Variants in TRPM3 observed in about 807,000 individuals in gnomAD.
TRPM3 encodes transient receptor potential cation channel subfamily M member 3.
In TRPM3, 77 loss-of-function variants were observed where a neutral mutation model predicts 181.2. The observed-to-expected ratio is 0.42, with a 90% CI of 0.35 to 0.51. The LOEUF is 0.51. Among genes scored for constraint, TRPM3 ranks in the 20% least tolerant of loss-of-function variants. The pLI, the probability that TRPM3 is intolerant of heterozygous loss-of-function variation, is 0.01. For missense variants in TRPM3, 1,759 were observed against 2,196.7 expected (o/e 0.80, Z 3.98); for synonymous variants, 745 against 796.4 (o/e 0.94, Z 1.09).
chr9:71,300,742 T>C (rs2086693356), intron 1 of TRPM3, among the ~76,000 whole-genome samples: 1 of 152,154 alleles, frequency 6.6e-6, no homozygotes, highest in African/African-American at 2.4e-5. Flanking sequence ...TTCTTACAAC[T>C]GTGTAAGCAA....
At chr9:71,387,232 C>A (rs902206739) in intron 1 of TRPM3, among the ~76,000 whole-genome samples, 1 of 152,140 alleles carries the variant, frequency 6.6e-6, no homozygotes, top group African/African-American at 2.4e-5. Context: ...TCAACAGCCT[C>A]AGGAACCACT....
chr9:70,863,747 T>C (rs1448637632), intron 2 of TRPM3, among the ~76,000 whole-genome samples: 2 of 152,178 alleles, frequency 1.3e-5, no homozygotes, highest in Non-Finnish European at 2.9e-5. Context: ...TTAGTCATAA[T>C]AGTTACAATA....
intron 9 of TRPM3, among the ~76,000 whole-genome samples, chr9:70,666,865 T>C (rs1455244368): frequency 6.6e-6 from 1 of 152,214 alleles, no homozygotes; most frequent in African/African-American, 2.4e-5. Context: ...GTCTCTACTT[T>C]CTGGAAGAGT....
chr9:71,387,392 T>C (rs1407585921), intron 1 of TRPM3, among the ~76,000 whole-genome samples: 1 of 152,182 alleles, frequency 6.6e-6, no homozygotes, highest in Non-Finnish European at 1.5e-5. Flanking sequence ...ACCTAGTGTT[T>C]ATAGAGCCAC....
chr9:70,553,863 C>A (rs926574704), intron 22 of TRPM3, among the ~76,000 whole-genome samples: 3 of 152,154 alleles, frequency 2.0e-5, no homozygotes, highest in African/African-American at 4.8e-5. Flanking sequence ...CAACACAGGG[C>A]AGTGCCTTGG....
chr9:71,418,319 T>C (rs1003775437), intron 1 of TRPM3, among the ~76,000 whole-genome samples: 1 of 151,904 alleles, frequency 6.6e-6, no homozygotes, highest in Admixed American at 6.6e-5. Flanking sequence ...TTCAAGAACC[T>C]GGAAAAGACA....
intron 1 of TRPM3, among the ~76,000 whole-genome samples, chr9:71,297,800 A>G (rs1292378762): frequency 2.0e-5 from 3 of 152,190 alleles, no homozygotes; most frequent in Non-Finnish European, 4.4e-5. Flanking sequence ...CGGCAGAAGC[A>G]GAGTTTGAAT....
At chr9:71,306,223 A>G (rs946781866) in intron 1 of TRPM3, among the ~76,000 whole-genome samples, 2 of 152,204 alleles carry the variant, frequency 1.3e-5, no homozygotes, top group Non-Finnish European at 2.9e-5. Flanking sequence ...GGCTATTGAG[A>G]TAAAATCAAA....
chr9:71,424,557 G>T (rs2131570799), intron 1 of TRPM3, among the ~76,000 whole-genome samples: 1 of 152,174 alleles, frequency 6.6e-6, no homozygotes, highest in East Asian at 1.9e-4. Flanking sequence ...TACTGACAAT[G>T]TTAGGTTTAC....
chr9:71,049,395 T>C (rs978759489), intron 1 of TRPM3, among the ~76,000 whole-genome samples: 1 of 152,072 alleles, frequency 6.6e-6, no homozygotes, highest in African/African-American at 2.4e-5. Context: ...TCCTAGAACA[T>C]ATATACTGAA....
chr9:71,158,597 C>G lies in TRPM3; in HGVS notation c.183+288056G>C, dbSNP rs529048032. Among the ~76,000 whole-genome samples the G allele has an allele frequency of 1.3e-4, 20 of 152,202 alleles. 1 individual carries two copies. The highest frequency in any genetic ancestry group is 3.4e-3 in the Middle Eastern group (1 of 292). On this transcript the variant is annotated intron_variant, in intron 1 of 24. Coordinates refer to the TRPM3 transcript ENST00000357533. ...GTGCACTTGGGAAAAATTATTTAAC[C>G]TTGGTAAGCTTCAGGTAATGCTTCT...
At chr9:71,064,407 G>T (rs2061666395) in intron 1 of TRPM3, among the ~76,000 whole-genome samples, 1 of 151,340 alleles carries the variant, frequency 6.6e-6, no homozygotes, top group African/African-American at 2.4e-5. Context: ...ATTACACAAG[G>T]TAAGTATCAC....
At chr9:70,970,080 T>G (rs1484773722) in intron 1 of TRPM3, among the ~76,000 whole-genome samples, 1 of 152,054 alleles carries the variant, frequency 6.6e-6, no homozygotes, top group Admixed American at 6.6e-5. Context: ...TGAATCCCAA[T>G]GCAACAAATT....
intron 1 of TRPM3, among the ~76,000 whole-genome samples, chr9:70,903,079 T>G (rs149806831): frequency 6.6e-6 from 1 of 152,214 alleles, no homozygotes; most frequent in African/African-American, 2.4e-5. Flanking sequence ...GCCGGAACTC[T>G]TTCCCAGGAA....
At chr9:71,215,846 C>A (rs769212650) in intron 1 of TRPM3, among the ~76,000 whole-genome samples, 22 of 152,226 alleles carry the variant, frequency 1.4e-4, no homozygotes, top group African/African-American at 4.8e-4. Context: ...CAGTTCAGGG[C>A]AGAACAAAGG....
At chr9:71,247,889 A>T (rs1337302111) in intron 1 of TRPM3, among the ~76,000 whole-genome samples, 1 of 152,208 alleles carries the variant, frequency 6.6e-6, no homozygotes, top group Non-Finnish European at 1.5e-5. Context: ...ATAACAAATG[A>T]TCTATTTTAC....
intron 8 of TRPM3, 134 bp downstream of exon 8, chr9:70,761,467 G>T: frequency 8.3e-7 from 1 of 1,206,208 alleles, no homozygotes; most frequent in Non-Finnish European, 1.2e-6. Flanking sequence ...AGCTACTGGA[G>T]CCAATGGAGC....
intron 1 of TRPM3, among the ~76,000 whole-genome samples, chr9:70,876,314 C>CATAT (rs35293338): frequency 0.031 from 4,639 of 148,176 alleles, 112 homozygotes; most frequent in Middle Eastern, 0.068. Flanking sequence ...CATATATAGA[C>CATAT]ATATATATAT....
chr9:71,233,145 A>G (rs113089736), intron 1 of TRPM3, among the ~76,000 whole-genome samples: 35 of 152,318 alleles, frequency 2.3e-4, no homozygotes, highest in African/African-American at 7.2e-4. Context: ...TTGTCCTAAG[A>G]TCACATGAGA....
Sources: gnomAD v4.1 joint callset for allele counts (sites outside exome capture counted in the v4.1 genomes callset) on GRCh38, gnomAD v4.1.1 for gene constraint, MANE v1.5 for transcripts, NCBI Gene and HGNC (gene_info 2026-07-23, HGNC 2026-07-21) for gene names.